The following PIK3C2G variants were observed in gnomAD, a reference collection of about 807,000 sequenced individuals.
PIK3C2G encodes the protein phosphatidylinositol 3-kinase C2 domain-containing subunit gamma.
Under a neutral mutation model 181.1 loss-of-function variants are expected in PIK3C2G, and 168 were observed. That is an observed-to-expected ratio of 0.93 (90% CI 0.82 to 1.05). PIK3C2G has a LOEUF of 1.05. Ranked by LOEUF, PIK3C2G falls within the 50% of genes least tolerant of loss-of-function variation. The pLI is 0.00. For missense variants in PIK3C2G, 1,869 were observed against 1,732.8 expected (o/e 1.08, Z -1.40); for synonymous variants, 573 against 592.2 (o/e 0.97, Z 0.47).
At chr12:18,404,201 C>T (rs1156825710) in intron 16 of PIK3C2G, among the ~76,000 whole-genome samples, 1 of 151,972 alleles carries the variant, frequency 6.6e-6, no homozygotes, top group African/African-American at 2.4e-5. Context: ...TATACTGATG[C>T]CATTGTTTAC....
At chr12:18,704,358 T>C in the PIK3C2G span, among the ~76,000 whole-genome samples, 3 of 151,976 alleles carry the variant, frequency 2.0e-5, no homozygotes, top group Non-Finnish European at 4.4e-5. Context: ...GGAGTTTTGT[T>C]CTTTTTGCCC....
At chr12:18,320,920 C>G in intron 6 of PIK3C2G, 42 bp from the exon 7 acceptor site, 1 of 1,089,342 alleles carries the variant, frequency 9.2e-7, no homozygotes, top group Non-Finnish European at 1.4e-6. Context: ...GGTACTCATT[C>G]CTATTCACTC....
chr12:18,255,280 AG>A (rs1948135161), intron 1 of PIK3C2G, among the ~76,000 whole-genome samples: 2 of 147,052 alleles, frequency 1.4e-5, no homozygotes, highest in African/African-American at 5.0e-5. Context: ...AATAAATGAA[AG>A]AAAAAAAGAA....
At chr12:18,270,383 T>TC (rs1261261065) in intron 1 of PIK3C2G, among the ~76,000 whole-genome samples, 3 of 152,166 alleles carry the variant, frequency 2.0e-5, no homozygotes, top group South Asian at 4.1e-4. Context: ...CTTTTTTTTT[T>TC]CTCTCTCATT....
intron 5 of PIK3C2G, among the ~76,000 whole-genome samples, chr12:18,300,250 T>C (rs144516428): frequency 8.3e-4 from 126 of 152,156 alleles, no homozygotes; most frequent in Middle Eastern, 6.8e-3. Context: ...TGTTACAGCC[T>C]GAATCAATCT....
chr12:18,323,191 G>T (rs969444185), intron 7 of PIK3C2G, among the ~76,000 whole-genome samples: 3 of 152,062 alleles, frequency 2.0e-5, no homozygotes, highest in African/African-American at 7.2e-5. Flanking sequence ...CAGTTGCAGG[G>T]GTCCAGAGGG....
intron 29 of PIK3C2G, among the ~76,000 whole-genome samples, chr12:18,592,382 A>G (rs1232455516): frequency 6.6e-6 from 1 of 151,886 alleles, no homozygotes; most frequent in Admixed American, 6.6e-5. Flanking sequence ...GTAATATAAA[A>G]GCAAAGACAA....
chr12:18,329,586 T>A (rs1467506848), intron 8 of PIK3C2G, among the ~76,000 whole-genome samples: 1 of 151,990 alleles, frequency 6.6e-6, no homozygotes, highest in Non-Finnish European at 1.5e-5. Context: ...TTTATCCACC[T>A]TTTTCCATGT....
chr12:18,336,329 C>A (rs879657003), intron 8 of PIK3C2G, among the ~76,000 whole-genome samples: 7 of 152,108 alleles, frequency 4.6e-5, no homozygotes, highest in African/African-American at 9.7e-5. Context: ...AGGGTGTAAA[C>A]AAACAGATCT....
chr12:18,693,762 T>A, the PIK3C2G span: 2 of 1,518,170 alleles, frequency 1.3e-6, no homozygotes, highest in Admixed American at 3.3e-5. Flanking sequence ...AAAGCTATCA[T>A]GGCCACAAAC....
At chr12:18,409,809 C>T (rs73342926) in intron 16 of PIK3C2G, among the ~76,000 whole-genome samples, 5,162 of 152,094 alleles carry the variant, frequency 0.034, 289 homozygotes, top group African/African-American at 0.12. Context: ...GGGTTTGTCT[C>T]ATGGTTTTGT....
intron 16 of PIK3C2G, among the ~76,000 whole-genome samples, chr12:18,416,724 A>G (rs963855548): frequency 3.9e-5 from 6 of 152,198 alleles, no homozygotes; most frequent in African/African-American, 1.2e-4. Context: ...CTTACTGCTC[A>G]GAAAAAAAGA....
chr12:18,382,751 G>A (rs952228110), intron 14 of PIK3C2G, among the ~76,000 whole-genome samples: 2 of 152,156 alleles, frequency 1.3e-5, no homozygotes, highest in African/African-American at 4.8e-5. Flanking sequence ...ATTGTCAAAT[G>A]TGATTTGAGA....
At chr12:18,694,701 C>T in the PIK3C2G span, among the ~76,000 whole-genome samples, 7 of 152,078 alleles carry the variant, frequency 4.6e-5, no homozygotes, top group South Asian at 2.1e-4. Context: ...TGTCAATTCA[C>T]AGGCAGATAA....
the PIK3C2G span, among the ~76,000 whole-genome samples, chr12:18,681,269 T>G: frequency 6.6e-6 from 1 of 152,040 alleles, no homozygotes; most frequent in African/African-American, 2.4e-5. Flanking sequence ...TATAACCTAA[T>G]CTAGCAGAAC....
At chr12:18,522,989 C>T (rs1943012298) in intron 24 of PIK3C2G, among the ~76,000 whole-genome samples, 1 of 151,896 alleles carries the variant, frequency 6.6e-6, no homozygotes. Context: ...TCTTTGTGCT[C>T]ACTGTTTTTT....
intron 12 of PIK3C2G, among the ~76,000 whole-genome samples, chr12:18,367,837 A>G (rs1378201415): frequency 6.6e-6 from 1 of 152,058 alleles, no homozygotes; most frequent in Non-Finnish European, 1.5e-5. Flanking sequence ...TACAGGCATG[A>G]GCCACCACCC....
chr12:18,699,643 C>T, the PIK3C2G span: 2 of 793,802 alleles, frequency 2.5e-6, no homozygotes, highest in Admixed American at 4.6e-5. Flanking sequence ...TTAATGAGAC[C>T]TGAGGTATGT....
upstream of PIK3C2G, among the ~76,000 whole-genome samples, chr12:18,245,450 C>T (rs554537729): frequency 6.6e-6 from 1 of 151,490 alleles, no homozygotes; most frequent in Non-Finnish European, 1.5e-5. Flanking sequence ...TCTGTTACTT[C>T]ATTTAAAAAA....
Sources: allele counts gnomAD v4.1 joint callset (sites outside exome capture counted in the v4.1 genomes callset), GRCh38; gene constraint gnomAD v4.1.1; transcripts MANE v1.5; gene names NCBI Gene and HGNC (gene_info 2026-07-23, HGNC 2026-07-21).